NELL1: variants seen among roughly 807,000 people sequenced by gnomAD.
NELL1 encodes the protein protein kinase C-binding protein NELL1.
NELL1 carries 76 observed loss-of-function variants against 107.4 expected under a neutral mutation model. That is an observed-to-expected ratio of 0.71 (90% CI 0.59 to 0.86). The LOEUF (loss-of-function observed/expected upper bound fraction) is 0.86. Ranked by LOEUF, NELL1 falls within the 40% of genes least tolerant of loss-of-function variation. NELL1 has a pLI of 0.00. For missense variants in NELL1, 1,024 were observed against 1,005.5 expected, an observed-to-expected ratio of 1.02 and a Z score of -0.25; for synonymous variants, 353 against 341.2, an observed-to-expected ratio of 1.03 and a Z score of -0.38.
intron 12 of NELL1, among the ~76,000 whole-genome samples, chr11:21,083,056 C>T (rs1854306335): frequency 6.6e-6 from 1 of 152,222 alleles, no homozygotes; most frequent in African/African-American, 2.4e-5. Flanking sequence ...ATAGAGGTCT[C>T]TGAATCTCCA....
At chr11:21,205,708 G>A (rs761793722) in intron 13 of NELL1, among the ~76,000 whole-genome samples, 7 of 152,210 alleles carry the variant, frequency 4.6e-5, no homozygotes, top group Admixed American at 2.0e-4. Context: ...CCAAATAGCC[G>A]TCCAGTTTAT....
At chr11:21,181,269 C>T (rs1425014288) in intron 13 of NELL1, among the ~76,000 whole-genome samples, 1 of 151,826 alleles carries the variant, frequency 6.6e-6, no homozygotes, top group African/African-American at 2.4e-5. Context: ...AAAGTAATTG[C>T]AGTTTTTGCC....
chr11:21,368,948 C>T (rs998012781), intron 14 of NELL1, among the ~76,000 whole-genome samples: 2 of 152,042 alleles, frequency 1.3e-5, no homozygotes, highest in Non-Finnish European at 2.9e-5. Flanking sequence ...AATATCTGCA[C>T]ATCCTTAGAA....
chr11:20,730,597 A>G (rs1455133259), intron 2 of NELL1, among the ~76,000 whole-genome samples: 1 of 152,156 alleles, frequency 6.6e-6, no homozygotes, highest in African/African-American at 2.4e-5. Context: ...ATAGTAGAGG[A>G]AACAGAGGCA....
intron 15 of NELL1, among the ~76,000 whole-genome samples, chr11:21,438,057 A>G (rs1853174276): frequency 6.6e-6 from 1 of 152,142 alleles, no homozygotes; most frequent in African/African-American, 2.4e-5. Flanking sequence ...CTATTTGTGT[A>G]TCTAACAGTG....
chr11:21,152,229 A>G (rs1192607596), intron 13 of NELL1, among the ~76,000 whole-genome samples: 1 of 152,186 alleles, frequency 6.6e-6, no homozygotes, highest in Non-Finnish European at 1.5e-5. Flanking sequence ...CAATGGTAGC[A>G]TCAGTGTGAT....
chr11:21,319,905 G>A (rs1849971184), intron 14 of NELL1, among the ~76,000 whole-genome samples: 5 of 152,030 alleles, frequency 3.3e-5, no homozygotes, highest in Admixed American at 3.3e-4. Flanking sequence ...AACTCCATGA[G>A]AGCTAGGACT....
intron 3 of NELL1, among the ~76,000 whole-genome samples, chr11:20,786,835 C>T (rs536838191): frequency 0.014 from 2,165 of 151,454 alleles, 26 homozygotes; most frequent in South Asian, 0.04. Context: ...GGTGAAACCC[C>T]GTCTCTACTA....
At chr11:21,422,919 TG>T (rs1852722734) in intron 15 of NELL1, among the ~76,000 whole-genome samples, 1 of 152,104 alleles carries the variant, frequency 6.6e-6, no homozygotes, top group Admixed American at 6.6e-5. Context: ...AAACAAAACA[TG>T]ATCCAGCTAT....
chr11:21,441,095 C>G (rs1281664873), intron 15 of NELL1, among the ~76,000 whole-genome samples: 1 of 152,070 alleles, frequency 6.6e-6, no homozygotes, highest in Non-Finnish European at 1.5e-5. Context: ...TTTAATCTTA[C>G]CTCCTACATC....
At chr11:20,724,703 T>A (rs2133913689) in intron 2 of NELL1, among the ~76,000 whole-genome samples, 1 of 152,312 alleles carries the variant, frequency 6.6e-6, no homozygotes, top group East Asian at 1.9e-4. Flanking sequence ...ATCTTCTTTT[T>A]TTCTTCTGAG....
At chr11:20,890,791 A>G (rs1849601939) in intron 5 of NELL1, among the ~76,000 whole-genome samples, 1 of 152,068 alleles carries the variant, frequency 6.6e-6, no homozygotes, top group African/African-American at 2.4e-5. Context: ...CTGAAAAAAG[A>G]TGCAGAAAAG....
chr11:20,791,603 A>G (rs1857075019), intron 3 of NELL1, among the ~76,000 whole-genome samples: 1 of 152,118 alleles, frequency 6.6e-6, no homozygotes, highest in Admixed American at 6.5e-5. Flanking sequence ...TTCCAGTACA[A>G]TGTTGAATAG....
intron 2 of NELL1, among the ~76,000 whole-genome samples, chr11:20,771,212 C>G (rs1050713620): frequency 2.0e-4 from 31 of 152,158 alleles, no homozygotes; most frequent in African/African-American, 7.5e-4. Flanking sequence ...CCACTCCTTT[C>G]CTACTTCTCA....
intron 14 of NELL1, among the ~76,000 whole-genome samples, chr11:21,280,880 C>T (rs949496286): frequency 4.6e-5 from 7 of 152,050 alleles, no homozygotes; most frequent in African/African-American, 1.2e-4. Context: ...ACAGTCTAGG[C>T]CACAGGGATT....
intron 14 of NELL1, among the ~76,000 whole-genome samples, chr11:21,332,264 A>T (rs1191708172): frequency 6.6e-6 from 1 of 151,816 alleles, no homozygotes; most frequent in Non-Finnish European, 1.5e-5. Context: ...TCCTATGGAG[A>T]TTTCCAAAGT....
At chr11:21,022,784 A>G (rs1016162401) in intron 12 of NELL1, among the ~76,000 whole-genome samples, 5 of 152,176 alleles carry the variant, frequency 3.3e-5, no homozygotes, top group African/African-American at 1.2e-4. Context: ...ACACAAAGTT[A>G]TCATAAGGGT....
intron 13 of NELL1, among the ~76,000 whole-genome samples, chr11:21,129,575 T>C (rs1317172861): frequency 6.6e-6 from 1 of 152,126 alleles, no homozygotes; most frequent in Non-Finnish European, 1.5e-5. Flanking sequence ...TTATTCCGTT[T>C]TAAAAAGGTA....
At chr11:20,970,030 A>G (rs1267509232) in intron 12 of NELL1, among the ~76,000 whole-genome samples, 8 of 122,220 alleles carry the variant, frequency 6.5e-5, no homozygotes, top group Non-Finnish European at 1.4e-4. Flanking sequence ...CATGGCGTAT[A>G]TAAATATCTA....
Sources: gnomAD v4.1 joint callset for allele counts (sites outside exome capture counted in the v4.1 genomes callset) on GRCh38, gnomAD v4.1.1 for gene constraint, MANE v1.5 for transcripts, NCBI Gene and HGNC (gene_info 2026-07-23, HGNC 2026-07-21) for gene names.